The following NTRK3 variants were observed in gnomAD, a reference collection of about 807,000 sequenced individuals.
NTRK3 encodes the protein neurotrophic receptor tyrosine kinase 3, also known as NT-3 growth factor receptor.
Under a neutral mutation model 91.7 loss-of-function variants are expected in NTRK3, and 24 were observed. The ratio of observed to expected loss-of-function variants is 0.26; its 90% confidence interval spans 0.19 to 0.37. The LOEUF is 0.37. Ranked by LOEUF, NTRK3 falls within the 10% of genes least tolerant of loss-of-function variation. NTRK3 has a pLI of 1.00. For missense variants in NTRK3, 880 were observed against 1,068.9 expected (o/e 0.82, Z 2.46); for synonymous variants, 483 against 404.0 (o/e 1.20, Z -2.34).
chr15:88,189,982 C>A (rs572837429), intron 3 of NTRK3, among the ~76,000 whole-genome samples: 38 of 152,274 alleles, frequency 2.5e-4, no homozygotes, highest in African/African-American at 8.2e-4. Flanking sequence ...AAGACGCCCA[C>A]CACCATCTAA....
intron 13 of NTRK3, among the ~76,000 whole-genome samples, chr15:88,125,531 T>C (rs1303044854): frequency 2.0e-5 from 3 of 150,234 alleles, no homozygotes; most frequent in African/African-American, 7.4e-5. Flanking sequence ...GAGTATATCT[T>C]GAAATTCAAG....
rs910650833 is a variant in NTRK3 at position 88,093,065 on chromosome 15, G to T, written c.1396+33206C>A. Among the ~76,000 whole-genome samples, 115 of 125,940 alleles carry T rather than the reference G, an allele frequency of 9.1e-4. 1 individual carries two copies. Among genetic ancestry groups the T allele is most frequent in the South Asian group, 6.4e-3 (25 of 3,892 alleles). 82.6% of individuals were successfully genotyped at this position (125,940 alleles called of 152,430 possible). A position where few individuals can be genotyped will look rare whatever the true frequency, so the allele number is the denominator to read the frequency against. On this transcript the variant is annotated intron_variant, in intron 13 of 18. Coordinates refer to ENST00000394480, the Ensembl canonical transcript of NTRK3. ...TTTTTTTGGCTTTGGGGTTTTTTTT[G>T]TTTTTTTTGTTTTTTTTTTTTTGTT... is the stretch of plus-strand genomic sequence containing the variant.
rs375261771 is a variant in NTRK3, at chr15:88,075,886, C to A, written c.1397-42841G>T. ...GCTTCCTTGGGCTTCAGTTTCCTCA[C>A]CTGCGAAATAAGGATAGTCATACGT... is the stretch of plus-strand genomic sequence containing the variant. On this transcript the variant is annotated intron_variant, in intron 13 of 18. Transcript: ENST00000394480. 6.7e-4 allele frequency among the ~76,000 whole-genome samples: 102 copies of A among 152,224 alleles called. No individual in the cohort carries two copies. The South Asian group carries it at 0.021, about 31-fold the overall frequency.
At chr15:88,023,618 A>G (rs566251848) in intron 14 of NTRK3, among the ~76,000 whole-genome samples, 1 of 152,180 alleles carries the variant, frequency 6.6e-6, no homozygotes, top group African/African-American at 2.4e-5. Context: ...GAGGGGACCC[A>G]TCAGAATCCC....
chr15:88,173,088 A>T (rs981395637), intron 5 of NTRK3, among the ~76,000 whole-genome samples: 3 of 152,212 alleles, frequency 2.0e-5, no homozygotes, highest in African/African-American at 7.2e-5. Context: ...TTTGGAGTTC[A>T]ATAAAAGCAG....
chr15:88,083,423 AT>A (rs1455841950), intron 13 of NTRK3, among the ~76,000 whole-genome samples: 1 of 152,092 alleles, frequency 6.6e-6, no homozygotes, highest in Non-Finnish European at 1.5e-5. Context: ...AGGTTTTACC[AT>A]TTGGCCAGGT....
At chr15:87,935,580 G>C (rs1050871741) in intron 15 of NTRK3, among the ~76,000 whole-genome samples, 6 of 152,088 alleles carry the variant, frequency 3.9e-5, no homozygotes, top group Admixed American at 2.0e-4. Flanking sequence ...AGAAGAAGAA[G>C]AAGGGGAAAA....
intron 3 of NTRK3, among the ~76,000 whole-genome samples, chr15:88,251,273 G>T (rs1174625117): frequency 1.3e-5 from 2 of 152,206 alleles, no homozygotes; most frequent in Non-Finnish European, 2.9e-5. Flanking sequence ...GCCATCCCCA[G>T]GAGATGCCCT....
At chr15:87,870,197 C>A (rs2064789392) in exon 19 of NTRK3, 1 of 185,408 alleles carries the variant, frequency 5.4e-6, no homozygotes, top group Non-Finnish European at 1.1e-5. Context: ...CACACACACA[C>A]ACACACACAC....
At chr15:88,202,263 T>G (rs1314422550) in intron 3 of NTRK3, among the ~76,000 whole-genome samples, 9 of 152,162 alleles carry the variant, frequency 5.9e-5, no homozygotes, top group Admixed American at 1.3e-4. Flanking sequence ...TCAGCAGCCT[T>G]GCTCAGGCTC....
At chr15:88,130,568 G>A (rs983145193) in intron 10 of NTRK3, among the ~76,000 whole-genome samples, 6 of 151,794 alleles carry the variant, frequency 4.0e-5, no homozygotes, top group East Asian at 1.9e-4. Context: ...TCGACATCAC[G>A]CGCCCCCGAA....
intron 17 of NTRK3, 52 bp from the exon 19 acceptor site, chr15:87,880,480 G>A (rs1035968449): frequency 6.3e-7 from 1 of 1,585,930 alleles, no homozygotes; most frequent in Non-Finnish European, 8.6e-7. Flanking sequence ...GCCAGAATGA[G>A]TGTTATCTGT....
At position 88,025,604 on chromosome 15, in the gene NTRK3, C is replaced by T. The variant is rs1480598644; in HGVS notation, c.1585+7253G>A. 2.0e-5 allele frequency among the ~76,000 whole-genome samples: 3 copies of T among 152,190 alleles called. No individual in the cohort carries two copies. In the East Asian group the frequency reaches 5.8e-4, roughly 29 times the overall value. ...AAGGGATGCCAAAGATTCCCAGCAA[C>T]ACCACCAGAAACTAGGAAGAGGAAA... is the stretch of plus-strand genomic sequence containing the variant. On this transcript the variant is annotated intron_variant, in intron 14 of 18. Transcript: ENST00000394480.
At chr15:88,117,679 G>A (rs533334636) in intron 13 of NTRK3, among the ~76,000 whole-genome samples, 108 of 152,330 alleles carry the variant, frequency 7.1e-4, no homozygotes, top group Middle Eastern at 6.8e-3. Flanking sequence ...TTAGGTAGCC[G>A]ATCCCATTAG....
exon 19 of NTRK3, chr15:87,869,793 C>T: frequency 4.9e-6 from 1 of 202,098 alleles, no homozygotes. Flanking sequence ...AGTTACATGC[C>T]AGGTAGCTAT....
In NTRK3 at chr15:88,170,663, G is replaced by A. The variant is rs187021177; in HGVS notation, c.395+12755C>T. Among the ~76,000 whole-genome samples, 22 of 152,280 alleles carry A rather than the reference G, an allele frequency of 1.4e-4. No individual in the cohort carries two copies. In the South Asian group the frequency reaches 4.6e-3, roughly 32 times the overall value. On this transcript the variant is annotated intron_variant, in intron 5 of 18. Coordinates refer to ENST00000394480, the Ensembl canonical transcript of NTRK3. Reference sequence around the variant, plus strand: ...TGTTCCATAACAACATGTTGACCACGACCAGGGCAGCAGAAGAACCAGACC... The same window carrying A: ...TGTTCCATAACAACATGTTGACCACAACCAGGGCAGCAGAAGAACCAGACC...
intron 13 of NTRK3, among the ~76,000 whole-genome samples, chr15:88,066,188 C>T (rs2046636209): frequency 6.6e-6 from 1 of 152,188 alleles, no homozygotes; most frequent in African/African-American, 2.4e-5. Context: ...TCTCCATAGT[C>T]CCTAACTCAC....
At chr15:88,111,394 A>G (rs549841804) in intron 13 of NTRK3, among the ~76,000 whole-genome samples, 1 of 152,346 alleles carries the variant, frequency 6.6e-6, no homozygotes, top group Admixed American at 6.5e-5. Context: ...ACCAGGGCCA[A>G]AAAAGGCCCC....
At chr15:88,250,017 A>G (rs1286733097) in intron 3 of NTRK3, among the ~76,000 whole-genome samples, 1 of 152,122 alleles carries the variant, frequency 6.6e-6, no homozygotes, top group African/African-American at 2.4e-5. Context: ...CTTCCTTCCC[A>G]ACAAGCCAAA....
Sources: gnomAD v4.1 joint callset for allele counts (sites outside exome capture counted in the v4.1 genomes callset) on GRCh38, gnomAD v4.1.1 for gene constraint, MANE v1.5 for transcripts, NCBI Gene and HGNC (gene_info 2026-07-23, HGNC 2026-07-21) for gene names.